TACC2: variants seen among roughly 807,000 people sequenced by gnomAD.
TACC2 encodes the protein transforming acidic coiled-coil containing protein 2, also known as transforming acidic coiled-coil-containing protein 2.
Under a neutral mutation model 227.3 loss-of-function variants are expected in TACC2, and 137 were observed. The ratio of observed to expected loss-of-function variants is 0.60; its 90% CI spans 0.52 to 0.69. The LOEUF (loss-of-function observed/expected upper bound fraction) is 0.69, where lower values mean the gene tolerates loss of function less well. Ranked by LOEUF, TACC2 falls within the 30% of genes least tolerant of loss-of-function variation. TACC2 has a pLI of 0.00. For synonymous variants in TACC2, 1,523 were observed against 1,487.5 expected, an observed-to-expected ratio of 1.02 and a Z score of -0.55; for missense variants, 3,470 against 3,694.4, an observed-to-expected ratio of 0.94 and a Z score of 1.57.
chr10:122,004,580 C>T (rs560771055), intron 1 of TACC2, among the ~76,000 whole-genome samples: 116 of 152,244 alleles, frequency 7.6e-4, no homozygotes, highest in African/African-American at 2.6e-3. Flanking sequence ...TGTGGCCCCA[C>T]ACCCCATCCC....
intron 3 of TACC2, among the ~76,000 whole-genome samples, chr10:122,066,273 AT>A (rs71482682): frequency 0.18 from 23,531 of 131,836 alleles, 1,911 homozygotes; most frequent in East Asian, 0.34. Context: ...ATGCCCAGCT[AT>A]TTTTTTTTTT....
chr10:122,175,944 G>A (rs934399287), intron 7 of TACC2, among the ~76,000 whole-genome samples: 5 of 152,040 alleles, frequency 3.3e-5, no homozygotes, highest in Non-Finnish European at 4.4e-5. Context: ...AGCTGGGTGC[G>A]GTGGTGCACG....
intron 7 of TACC2, among the ~76,000 whole-genome samples, chr10:122,171,088 G>T (rs1385711754): frequency 7.2e-6 from 1 of 139,658 alleles, no homozygotes; most frequent in African/African-American, 2.8e-5. Context: ...ACAAAGGAAA[G>T]CAGTGGGCCT....
At chr10:122,187,051 C>T (rs753158133) in intron 7 of TACC2, among the ~76,000 whole-genome samples, 23 of 152,148 alleles carry the variant, frequency 1.5e-4, no homozygotes, top group Non-Finnish European at 4.4e-5. Flanking sequence ...TGTCACTCTG[C>T]GCTTCCTGCA....
At chr10:122,046,080 CAGG>C (rs2074951811) in intron 2 of TACC2, among the ~76,000 whole-genome samples, 1 of 152,064 alleles carries the variant, frequency 6.6e-6, no homozygotes, top group Admixed American at 6.6e-5. Context: ...GAGGCTGAGG[CAGG>C]AGAATTGCTT....
intron 5 of TACC2, among the ~76,000 whole-genome samples, chr10:122,117,834 T>TTGACAAGA (rs2084982117): frequency 6.6e-6 from 1 of 152,096 alleles, no homozygotes; most frequent in Non-Finnish European, 1.5e-5. Context: ...ACATTCTAAA[T>TTGACAAGA]TGACAAGAGA....
chr10:122,049,795 T>G (rs2075472154), intron 2 of TACC2, among the ~76,000 whole-genome samples: 1 of 152,060 alleles, frequency 6.6e-6, no homozygotes, highest in Admixed American at 6.6e-5. Context: ...GAGCCTTATA[T>G]TTTTGCATCC....
intron 7 of TACC2, among the ~76,000 whole-genome samples, chr10:122,152,999 C>CTTTTTTTTTTTTTTTTTTTTT (rs150943859): frequency 7.4e-6 from 1 of 135,024 alleles, no homozygotes; most frequent in Non-Finnish European, 1.6e-5. Flanking sequence ...TTCTTTCTTT[C>CTTTTTTTTTTTTTTTTTTTTT]TTTTTTTTTT....
At chr10:122,195,391 G>T (rs1027090670) in intron 8 of TACC2, among the ~76,000 whole-genome samples, 1 of 152,212 alleles carries the variant, frequency 6.6e-6, no homozygotes, top group Admixed American at 6.5e-5. Context: ...AATTTTAGGG[G>T]GGGCCTCTGG....
intron 7 of TACC2, among the ~76,000 whole-genome samples, chr10:122,151,339 A>G (rs1410598314): frequency 6.6e-6 from 1 of 152,172 alleles, no homozygotes; most frequent in Admixed American, 6.5e-5. Context: ...GTTTTGCAGC[A>G]TGGCTAGGTG....
At chr10:122,033,960 T>A (rs1959294122) in intron 2 of TACC2, among the ~76,000 whole-genome samples, 1 of 152,124 alleles carries the variant, frequency 6.6e-6, no homozygotes, top group Non-Finnish European at 1.5e-5. Context: ...GAGACCAGCC[T>A]GACCAACATG....
At chr10:122,075,352 G>GC (rs148366839) in intron 3 of TACC2, among the ~76,000 whole-genome samples, 55,021 of 151,812 alleles carry the variant, frequency 0.36, 10,804 homozygotes, top group Non-Finnish European at 0.46. Flanking sequence ...GGGAAGGCTG[G>GC]CCCAGGGAGC....
chr10:122,231,028 G>C (rs1470065737), intron 16 of TACC2, among the ~76,000 whole-genome samples: 1 of 152,168 alleles, frequency 6.6e-6, no homozygotes, highest in Admixed American at 6.5e-5. Context: ...GTCTGGCACT[G>C]TTCCAATAAA....
intron 5 of TACC2, among the ~76,000 whole-genome samples, chr10:122,103,552 G>C (rs2082404797): frequency 6.6e-6 from 1 of 152,204 alleles, no homozygotes; most frequent in African/African-American, 2.4e-5. Context: ...TCTTTTACCA[G>C]TTATTAAGTG....
intron 2 of TACC2, among the ~76,000 whole-genome samples, chr10:122,044,225 G>C (rs112291719): frequency 3.9e-5 from 6 of 152,324 alleles, no homozygotes; most frequent in African/African-American, 1.4e-4. Context: ...ATCCCACGCT[G>C]GCAGCCTTTC....
intron 2 of TACC2, chr10:122,023,907 C>T (rs994879499): frequency 2.6e-5 from 4 of 151,588 alleles, no homozygotes; most frequent in African/African-American, 9.7e-5. Flanking sequence ...CTGTCTTAAA[C>T]AGGGAAGCCA....
intron 4 of TACC2, 48 bp downstream of exon 4, chr10:122,088,007 G>T: frequency 6.8e-7 from 1 of 1,475,062 alleles, no homozygotes; most frequent in Non-Finnish European, 9.0e-7. Flanking sequence ...CAGTTTCAAA[G>T]GTGATTCCCA....
intron 2 of TACC2, chr10:122,022,613 C>G (rs1591151424): frequency 1.3e-5 from 2 of 152,354 alleles, no homozygotes; most frequent in South Asian, 4.1e-4. Flanking sequence ...GAGAGATTGG[C>G]ACATTTTTCC....
At chr10:122,214,644 G>T (rs999355910) in intron 9 of TACC2, among the ~76,000 whole-genome samples, 2 of 152,184 alleles carry the variant, frequency 1.3e-5, no homozygotes, top group African/African-American at 4.8e-5. Context: ...AGGCTAAAAG[G>T]CATCCCTTTC....
Sources: gnomAD v4.1 joint callset for allele counts (sites outside exome capture counted in the v4.1 genomes callset) on GRCh38, gnomAD v4.1.1 for gene constraint, MANE v1.5 for transcripts, NCBI Gene and HGNC (gene_info 2026-07-23, HGNC 2026-07-21) for gene names.